Variants in PCDH15 observed in about 807,000 individuals in gnomAD.
PCDH15 encodes the protein protocadherin related 15, also known as protocadherin-15.
PCDH15 carries 129 observed loss-of-function variants against 178.5 expected under a neutral mutation model. The observed-to-expected ratio is 0.72, with a 90% CI of 0.63 to 0.84. The LOEUF (loss-of-function observed/expected upper bound fraction) is 0.84. Ranked by LOEUF, PCDH15 falls within the 40% of genes least tolerant of loss-of-function variation. The pLI, the probability that PCDH15 is intolerant of heterozygous loss-of-function variation, is 0.00. For missense variants in PCDH15, 2,230 were observed against 2,099.9 expected (o/e 1.06, Z -1.21); for synonymous variants, 800 against 732.0 (o/e 1.09, Z -1.50).
intron 21 of PCDH15, among the ~76,000 whole-genome samples, chr10:53,991,687 C>T (rs770168711): frequency 6.6e-5 from 10 of 151,204 alleles, no homozygotes; most frequent in African/African-American, 1.7e-4. Flanking sequence ...GGTTTGTAAA[C>T]GCACCAATCA....
At chr10:55,222,748 T>C (rs867010805) in intron 1 of PCDH15, among the ~76,000 whole-genome samples, 43,616 of 124,526 alleles carry the variant, frequency 0.35, 8,520 homozygotes, top group Middle Eastern at 0.41. Flanking sequence ...TATATATATA[T>C]ATATATATAT....
At chr10:54,756,094 CACAA>C (rs879302309) in intron 1 of PCDH15, among the ~76,000 whole-genome samples, 6 of 145,134 alleles carry the variant, frequency 4.1e-5, no homozygotes, top group African/African-American at 7.6e-5. Flanking sequence ...CACACACACA[CACAA>C]AATTAGCTGG....
At chr10:55,046,264 C>CCAAA (rs1161344649) in intron 2 of PCDH15, among the ~76,000 whole-genome samples, 2 of 151,788 alleles carry the variant, frequency 1.3e-5, no homozygotes, top group Non-Finnish European at 2.9e-5. Flanking sequence ...ATCTAGCAGC[C>CCAAA]CAAAAGAGGA....
chr10:55,499,795 AAATT>A (rs1386524544), intron 2 of PCDH15, among the ~76,000 whole-genome samples: 4 of 151,772 alleles, frequency 2.6e-5, no homozygotes, highest in Admixed American at 6.6e-5. Context: ...TGTATGATTT[AAATT>A]AATAAAATTA....
intron 2 of PCDH15, among the ~76,000 whole-genome samples, chr10:55,486,500 T>C (rs1840301638): frequency 6.6e-6 from 1 of 151,614 alleles, no homozygotes; most frequent in Non-Finnish European, 1.5e-5. Flanking sequence ...GTAGGTTAGT[T>C]TTATAAAAAC....
intron 9 of PCDH15, among the ~76,000 whole-genome samples, chr10:54,234,135 T>C (rs1479960780): frequency 1.1e-5 from 1 of 92,376 alleles, no homozygotes. Context: ...TCCCCTTCTG[T>C]GTGTGTGTGT....
At chr10:55,023,361 T>C (rs1435281520) in intron 2 of PCDH15, among the ~76,000 whole-genome samples, 2 of 152,068 alleles carry the variant, frequency 1.3e-5, no homozygotes, top group African/African-American at 2.4e-5. Context: ...GTAGATAAAA[T>C]CCCAATGGCA....
At chr10:55,272,584 T>C (rs1268614493) in intron 1 of PCDH15, among the ~76,000 whole-genome samples, 1 of 151,782 alleles carries the variant, frequency 6.6e-6, no homozygotes, top group Non-Finnish European at 1.5e-5. Context: ...GGTTTTACCA[T>C]ACCGGCCAGG....
At chr10:54,387,008 G>A (rs1270090128) in intron 3 of PCDH15, among the ~76,000 whole-genome samples, 1 of 151,764 alleles carries the variant, frequency 6.6e-6, no homozygotes, top group Non-Finnish European at 1.5e-5. Context: ...AGTGTTGTCT[G>A]TACAAGAAGT....
At chr10:55,010,574 A>C (rs1840025458) in intron 2 of PCDH15, among the ~76,000 whole-genome samples, 2 of 152,278 alleles carry the variant, frequency 1.3e-5, no homozygotes, top group South Asian at 4.1e-4. Context: ...CAGCCATGTC[A>C]TTCAGGCTGA....
chr10:55,155,537 A>T (rs2680322), intron 2 of PCDH15, among the ~76,000 whole-genome samples: 138,877 of 147,674 alleles, frequency 0.94, 65,597 homozygotes, highest in East Asian at 1. Flanking sequence ...ATTAATAAAA[A>T]TATCATAGAT....
intron 3 of PCDH15, among the ~76,000 whole-genome samples, chr10:54,505,461 T>A (rs907752497): frequency 1.3e-5 from 2 of 152,158 alleles, no homozygotes; most frequent in Non-Finnish European, 2.9e-5. Flanking sequence ...CCCTTCAAGT[T>A]CTATCTGCTT....
intron 3 of PCDH15, among the ~76,000 whole-genome samples, chr10:54,843,184 G>A (rs1310018712): frequency 6.6e-6 from 1 of 151,842 alleles, no homozygotes; most frequent in Non-Finnish European, 1.5e-5. Context: ...GTATCGTTTG[G>A]CTTCATGAAC....
At chr10:55,090,719 T>C (rs1011888227) in intron 2 of PCDH15, among the ~76,000 whole-genome samples, 2 of 152,088 alleles carry the variant, frequency 1.3e-5, no homozygotes, top group African/African-American at 4.8e-5. Flanking sequence ...GAATAAAGCA[T>C]ACAGAGATTT....
intron 10 of PCDH15, among the ~76,000 whole-genome samples, chr10:54,201,424 TAA>T (rs2050218724): frequency 1.3e-5 from 2 of 151,834 alleles, no homozygotes; most frequent in Non-Finnish European, 2.9e-5. Flanking sequence ...TTATAATATG[TAA>T]AAATAGAAAT....
intron 15 of PCDH15, among the ~76,000 whole-genome samples, chr10:54,131,568 T>C (rs1041249655): frequency 6.6e-6 from 1 of 152,224 alleles, no homozygotes; most frequent in Non-Finnish European, 1.5e-5. Flanking sequence ...TACTAATATC[T>C]CTACCTTCAT....
chr10:54,549,374 A>C (rs1170933576), intron 2 of PCDH15, among the ~76,000 whole-genome samples: 3 of 151,892 alleles, frequency 2.0e-5, no homozygotes, highest in African/African-American at 4.8e-5. Context: ...ATTAGTGGTA[A>C]TTTAGCTACA....
chr10:55,527,972 G>T (rs913430412), intron 2 of PCDH15, among the ~76,000 whole-genome samples: 3 of 151,988 alleles, frequency 2.0e-5, no homozygotes, highest in Admixed American at 2.0e-4. Flanking sequence ...GGACAGAAGA[G>T]AAAGCAAGCT....
chr10:55,512,512 T>C (rs1840908415), intron 2 of PCDH15, among the ~76,000 whole-genome samples: 1 of 151,988 alleles, frequency 6.6e-6, no homozygotes. Context: ...CATCTCTCTT[T>C]GCCTAGGTCA....
Sources: gnomAD v4.1 joint callset for allele counts (sites outside exome capture counted in the v4.1 genomes callset) on GRCh38, gnomAD v4.1.1 for gene constraint, MANE v1.5 for transcripts, NCBI Gene and HGNC (gene_info 2026-07-23, HGNC 2026-07-21) for gene names.